Variants in UTRN observed in about 807,000 individuals in gnomAD.
UTRN encodes the protein utrophin.
In UTRN, 283 loss-of-function variants were observed where a neutral mutation model predicts 463.9. The ratio of observed to expected loss-of-function variants is 0.61; its 90% CI spans 0.55 to 0.67. The LOEUF (loss-of-function observed/expected upper bound fraction) is 0.67, where lower values mean the gene tolerates loss of function less well. UTRN is among the 30% of genes least tolerant of loss of function. The probability of loss-of-function intolerance (pLI) is 0.00; values close to 1 mark genes in which losing one functional copy is unlikely to be tolerated. For synonymous variants in UTRN, 1,442 were observed against 1,431.5 expected, an observed-to-expected ratio of 1.01 and a Z score of -0.17; for missense variants, 3,922 against 4,084.3, an observed-to-expected ratio of 0.96 and a Z score of 1.08.
chr6:144,605,522 A>G (rs1252792224), intron 51 of UTRN, among the ~76,000 whole-genome samples: 1 of 151,710 alleles, frequency 6.6e-6, no homozygotes, highest in Non-Finnish European at 1.5e-5. Flanking sequence ...TTCCATTACC[A>G]TTCAGTTTTG....
intron 59 of UTRN, among the ~76,000 whole-genome samples, chr6:144,772,489 T>C (rs1794181889): frequency 6.6e-6 from 1 of 152,202 alleles, no homozygotes; most frequent in African/African-American, 2.4e-5. Context: ...TTTGAAATCA[T>C]GTGAGCCAAA....
chr6:144,555,998 T>A (rs1294858711), intron 49 of UTRN, among the ~76,000 whole-genome samples: 2 of 152,236 alleles, frequency 1.3e-5, no homozygotes, highest in African/African-American at 4.8e-5. Context: ...ATAGCAGACA[T>A]CTTTTTTGTC....
At chr6:144,664,285 T>C (rs1391696644) in intron 51 of UTRN, among the ~76,000 whole-genome samples, 3 of 151,718 alleles carry the variant, frequency 2.0e-5, no homozygotes, top group Non-Finnish European at 4.4e-5. Context: ...TTGACATGGG[T>C]CAGAAGTTGA....
At chr6:144,539,179 C>A in intron 44 of UTRN, 115 bp from the exon 45 acceptor site, 1 of 1,211,210 alleles carries the variant, frequency 8.3e-7, no homozygotes, top group Non-Finnish European at 1.1e-6. Flanking sequence ...TATTTTTTCA[C>A]TTAACAAATT....
At chr6:144,788,305 T>A (rs1481722814) in intron 61 of UTRN, among the ~76,000 whole-genome samples, 3 of 152,182 alleles carry the variant, frequency 2.0e-5, no homozygotes, top group Non-Finnish European at 1.5e-5. Context: ...GACAGAAAAT[T>A]AACTATATAC....
intron 2 of UTRN, among the ~76,000 whole-genome samples, chr6:144,376,380 G>A (rs977875936): frequency 2.0e-5 from 3 of 151,900 alleles, no homozygotes; most frequent in Non-Finnish European, 4.4e-5. Context: ...GCTTGAACTC[G>A]GGAGGCGTGA....
At position 144,637,614 on chromosome 6, in the gene UTRN, A is replaced by G. The variant is rs1028796393; in HGVS notation, c.7480-40792A>G. On this transcript the variant is annotated intron_variant, in intron 51 of 74. Transcript: ENST00000367545. The stretch of plus-strand genomic sequence containing the variant: ...AGAAAATTTTATGTATTTTTATACA[A>G]GCACTTGTATTCACATACACGTTGT... 3.8e-4 allele frequency among the ~76,000 whole-genome samples: 58 copies of G among 151,978 alleles called. 1 individual carries two copies. The highest frequency in any genetic ancestry group is 2.1e-3 in the Admixed American group (32 of 15,280).
intron 2 of UTRN, among the ~76,000 whole-genome samples, chr6:144,396,886 C>A (rs1489307924): frequency 6.6e-6 from 1 of 152,066 alleles, no homozygotes; most frequent in Admixed American, 6.6e-5. Flanking sequence ...TACTCCTGTC[C>A]TCTGTGGCTC....
intron 2 of UTRN, among the ~76,000 whole-genome samples, chr6:144,345,284 T>C (rs1777469402): frequency 6.6e-6 from 1 of 152,216 alleles, no homozygotes; most frequent in African/African-American, 2.4e-5. Context: ...CATAGGAGAC[T>C]GGTGTGCTAC....
chr6:144,358,126 G>A (rs1196665502), intron 2 of UTRN, among the ~76,000 whole-genome samples: 2 of 152,204 alleles, frequency 1.3e-5, no homozygotes, highest in Non-Finnish European at 2.9e-5. Context: ...GATATTGTGG[G>A]TATTAGACTA....
In UTRN at chr6:144,444,301, A is replaced by G. The variant is rs1188768413; in HGVS notation, c.1533A>G (p.Thr511=). Residue 511 remains threonine, a synonymous_variant, in exon 14 of 75, where the codon ACA becomes ACG. Transcript: ENST00000367545. ...DQLQKLGERW[T]AVCRWTEERW... is the part of the protein sequence containing the mutation. ...TCTAGAAACTTGGTGAGCGCTGGAC[A>G]GCAGTATGCCGTTGGACTGAAGAAC... 3 of 1,611,580 alleles carry G rather than the reference A, an allele frequency of 1.9e-6. No homozygotes were observed. Among genetic ancestry groups the G allele is most frequent in the Non-Finnish European group, 8.5e-7 (1 of 1,178,644 alleles).
chr6:144,395,521 T>C (rs893974444), intron 2 of UTRN, among the ~76,000 whole-genome samples: 1 of 151,912 alleles, frequency 6.6e-6, no homozygotes, highest in Non-Finnish European at 1.5e-5. Context: ...AAAGTGCAAG[T>C]AGAAAAACAT....
At chr6:144,820,429 G>A (rs2128753048) in intron 65 of UTRN, among the ~76,000 whole-genome samples, 1 of 152,208 alleles carries the variant, frequency 6.6e-6, no homozygotes, top group South Asian at 2.1e-4. Context: ...TGGCTTGTGT[G>A]TAGCCAGCAT....
chr6:144,577,012 TGTTA>T (rs1209330396), intron 50 of UTRN, 83 bp from the exon 51 acceptor site: 1 of 1,336,790 alleles, frequency 7.5e-7, no homozygotes, highest in Non-Finnish European at 1.0e-6. Context: ...GGGGGCTGCC[TGTTA>T]GTTTTTTATT....
rs761775839 is a variant in UTRN, at chr6:144,459,183, A to T, written c.2536A>T (p.Thr846Ser). Residue 846 changes from threonine (T) to serine (S), a missense_variant, in exon 21 of 75, where the codon ACA (threonine) becomes TCA (serine). Thr to Ser is a moderately conservative substitution (Grantham distance 58, BLOSUM62 1). Around this residue, in one of 3 missense-constraint regions of UTRN, gnomAD observed 2,349 missense variants for 2,303.8 expected, o/e 1.02. Coordinates refer to ENST00000367545, the MANE Select transcript of UTRN (RefSeq NM_007124.3). Reference protein sequence around the residue: ...SLKDSCQRELTNLLGLHPKIE... With the variant: ...SLKDSCQRELSNLLGLHPKIE... ...ATTTTCTCTTCCTTAGCGGGAATTG[A>T]CAAATCTTCTTGGCCTTCACCCCAA... The T allele has an allele frequency of 1.9e-6, 3 of 1,610,902 alleles. No homozygotes were observed. The highest frequency in any genetic ancestry group is 2.5e-6 in the Non-Finnish European group (3 of 1,178,892).
At chr6:144,579,956 A>C (rs1801804792) in intron 51 of UTRN, among the ~76,000 whole-genome samples, 1 of 152,142 alleles carries the variant, frequency 6.6e-6, no homozygotes, top group South Asian at 2.1e-4. Context: ...TCTCCATTCT[A>C]TTTTTAAAAA....
chr6:144,732,263 CATATATATATATAT>C (rs1227075300), intron 54 of UTRN, among the ~76,000 whole-genome samples: 17,354 of 97,834 alleles, frequency 0.18, 1,631 homozygotes, highest in East Asian at 0.57. Context: ...TATATACACA[CATATATATATATAT>C]ACACACATAT....
chr6:144,495,445 C>T (rs1450688309), intron 33 of UTRN, among the ~76,000 whole-genome samples: 1 of 152,250 alleles, frequency 6.6e-6, no homozygotes, highest in Non-Finnish European at 1.5e-5. Flanking sequence ...GCTCCGAGTG[C>T]GGGGCCCGCC....
chr6:144,477,869 C>CTCTA (rs34192951), intron 25 of UTRN, among the ~76,000 whole-genome samples: 21,474 of 148,616 alleles, frequency 0.14, 1,679 homozygotes, highest in Admixed American at 0.18. Context: ...AAGTTTGTAT[C>CTCTA]TCTATCTATC....
Sources: gnomAD v4.1 joint callset for allele counts (sites outside exome capture counted in the v4.1 genomes callset) on GRCh38, gnomAD v4.1.1 for gene constraint, gnomAD v4.1.1 regional missense constraint, MANE v1.5 for transcripts, NCBI Gene and HGNC (gene_info 2026-07-23, HGNC 2026-07-21) for gene names.